The following HHIPL1 variants were observed in gnomAD, a reference collection of about 807,000 sequenced individuals.
HHIPL1 encodes the protein HHIP-like protein 1.
A neutral mutation model predicts 61.8 loss-of-function variants in HHIPL1; 43 were observed. That is an observed-to-expected ratio of 0.70 (90% CI 0.55 to 0.90). The LOEUF (loss-of-function observed/expected upper bound fraction) is 0.90. Among genes scored for constraint, HHIPL1 ranks in the 40% least tolerant of loss-of-function variants. The pLI is 0.00. For missense variants in HHIPL1, 1,056 were observed against 1,157.7 expected, an observed-to-expected ratio of 0.91 and a Z score of 1.28; for synonymous variants, 482 against 515.8, an observed-to-expected ratio of 0.93 and a Z score of 0.89.
chr14:99,659,772 C>A lies in HHIPL1; in HGVS notation c.1375+16C>A. ...ACCTCTCTCAGTGAGTGCCCGCGCCCCGGGGACCCCGGCCCCGAATCCGCC... is the reference window on the plus strand; with the variant it reads ...ACCTCTCTCAGTGAGTGCCCGCGCCACGGGGACCCCGGCCCCGAATCCGCC... On this transcript the variant is annotated intron_variant, in intron 4 of 8. Transcript: ENST00000330710. The A allele has an allele frequency of 7.3e-7, 1 of 1,371,992 alleles. No homozygotes were observed. The allele number at this position is 1,371,992 out of a possible 1,614,324, so 85.0% of individuals were successfully genotyped here.
At chr14:99,623,023 A>G in the HHIPL1 span, among the ~76,000 whole-genome samples, 2 of 152,232 alleles carry the variant, frequency 1.3e-5, no homozygotes, top group Admixed American at 6.5e-5. Context: ...AAGGGCAGCA[A>G]TTCTGACTGG....
At chr14:99,634,185 A>G in the HHIPL1 span, among the ~76,000 whole-genome samples, 1 of 152,160 alleles carries the variant, frequency 6.6e-6, no homozygotes, top group East Asian at 1.9e-4. Context: ...GCTTCTGAGC[A>G]GCGAGAGAGG....
At chr14:99,633,326 G>A in the HHIPL1 span, among the ~76,000 whole-genome samples, 15 of 152,332 alleles carry the variant, frequency 9.8e-5, no homozygotes, top group African/African-American at 2.9e-4. Context: ...CTGCAGCCTC[G>A]GGGAAGCCAG....
At chr14:99,621,459 G>A in the HHIPL1 span, among the ~76,000 whole-genome samples, 7 of 152,256 alleles carry the variant, frequency 4.6e-5, no homozygotes, top group African/African-American at 1.4e-4. Flanking sequence ...GGGTGGGACT[G>A]GGGGATTTTA....
chr14:99,625,085 C>T, the HHIPL1 span: 1 of 152,400 alleles, frequency 6.6e-6, no homozygotes, highest in South Asian at 2.1e-4. Flanking sequence ...AACCTTTCAT[C>T]ATGGGTTCCC....
Position 99,660,414 on chromosome 14 carries a change from A to AC in HHIPL1, c.1502+10dup, listed in dbSNP as rs776602380. 19 of 1,609,020 alleles carry AC rather than the reference A, an allele frequency of 1.2e-5. No individual in the cohort carries two copies. The African/African-American group carries it at 2.3e-4, about 19-fold the overall frequency. ...TGGGGATTTCATGAGCGGGTAAGTG[A>AC]CCTAGTGCCCTCGCGCCCCTGGCTG... On this transcript the variant is annotated intron_variant, in intron 5 of 8. Transcript: ENST00000330710. This position sits in a 1 kb window ranked among gnomAD's most constrained non-coding sequence, Gnocchi z 4.9.
In HHIPL1 at chr14:99,657,057, C is replaced by G. The variant is rs147749989; in HGVS notation, c.960C>G (p.Phe320Leu). The G allele has an allele frequency of 4.3e-6, 7 of 1,613,488 alleles. No homozygotes were observed. In the African/African-American group the frequency reaches 9.4e-5, roughly 22 times the overall value. The change falls in exon 3 of 9, where the codon TTC (phenylalanine) becomes TTG (leucine). Residue 320 changes from phenylalanine to leucine, a missense_variant. Coordinates refer to ENST00000330710, the MANE Select transcript of HHIPL1 (RefSeq NM_001127258.3). ...ACCACAACGGGGGCCAGCTGCTTTT[C>G]GGGGATGACGGGTACCTCTACATCT... ...ASNHNGGQLL[F>L]GDDGYLYIFT...
At chr14:99,630,045 A>G in the HHIPL1 span, among the ~76,000 whole-genome samples, 2 of 152,132 alleles carry the variant, frequency 1.3e-5, no homozygotes, top group Non-Finnish European at 2.9e-5. Flanking sequence ...TCTCTCTATG[A>G]GTGGAGATGC....
At chr14:99,630,818 T>C in the HHIPL1 span, among the ~76,000 whole-genome samples, 139 of 152,270 alleles carry the variant, frequency 9.1e-4, 1 homozygote, top group Middle Eastern at 6.8e-3. Context: ...GGCTACAAAG[T>C]CGATATTCTG....
At chr14:99,664,558 C>T (rs547011144) in intron 6 of HHIPL1, among the ~76,000 whole-genome samples, 5 of 152,318 alleles carry the variant, frequency 3.3e-5, no homozygotes, top group Admixed American at 3.3e-4. Flanking sequence ...TGGCAGTGGC[C>T]TCTGGACAGC....
At chr14:99,637,267 A>AGAAG in the HHIPL1 span, among the ~76,000 whole-genome samples, 6 of 150,526 alleles carry the variant, frequency 4.0e-5, no homozygotes, top group African/African-American at 1.2e-4. Flanking sequence ...AAAGAAAGAA[A>AGAAG]AAGTGTGGCA....
chr14:99,637,230 AAGAAAGAAAGAAAG>A, the HHIPL1 span, among the ~76,000 whole-genome samples: 3 of 146,234 alleles, frequency 2.1e-5, no homozygotes, highest in Non-Finnish European at 4.5e-5. Context: ...GAAAGAAAGA[AAGAAAGAAAGAAAG>A]AAAGAAAGAA....
At chr14:99,607,021 CTTTTTTT>C in the HHIPL1 span, among the ~76,000 whole-genome samples, 9 of 68,424 alleles carry the variant, frequency 1.3e-4, no homozygotes, top group African/African-American at 5.2e-4. Flanking sequence ...GTGACTTTGC[CTTTTTTT>C]TTTTTTTTTT....
Position 99,652,400 on chromosome 14 carries a change from G to A in HHIPL1, c.432G>A (p.Arg144=). 6.2e-7 allele frequency: 1 copy of A among 1,614,214 alleles called. No individual in the cohort carries two copies. The highest frequency in any genetic ancestry group is 8.5e-7 in the Non-Finnish European group (1 of 1,180,048). ...GGGCGCTGGAGGGCAACCTTGCCAG[G>A]TTCTGCCGCTACCTGTCCCTGGATG... The part of the protein sequence containing the change: ...ELWALEGNLA[R]FCRYLSLDDT... The change falls in exon 2 of 9, where the codon AGG becomes AGA. Residue 144 remains arginine (R), a synonymous_variant. Coordinates refer to ENST00000330710, the MANE Select transcript of HHIPL1 (RefSeq NM_001127258.3).
At chr14:99,610,739 C>T in the HHIPL1 span, among the ~76,000 whole-genome samples, 63 of 145,498 alleles carry the variant, frequency 4.3e-4, no homozygotes, top group East Asian at 0.011. Context: ...CTAGCCTAGA[C>T]AACAGAGCAA....
the HHIPL1 span, among the ~76,000 whole-genome samples, chr14:99,611,528 C>T: frequency 1.3e-5 from 2 of 151,798 alleles, no homozygotes; most frequent in Non-Finnish European, 2.9e-5. Flanking sequence ...TCAGGTGATC[C>T]ACCCACCTTG....
the HHIPL1 span, chr14:99,625,316 A>C: frequency 6.6e-6 from 1 of 152,296 alleles, no homozygotes. Flanking sequence ...CTAAGGTCCC[A>C]CAGCCAAGGG....
chr14:99,643,785 G>A (rs1170235493), upstream of HHIPL1, among the ~76,000 whole-genome samples: 2 of 152,246 alleles, frequency 1.3e-5, no homozygotes, highest in South Asian at 2.1e-4. Flanking sequence ...GAGAAGCCGG[G>A]GTATTTCTCC....
In HHIPL1 at chr14:99,663,019, C is replaced by A; in HGVS notation, c.1646C>A (p.Ala549Asp). Reference sequence around the variant, plus strand: ...ATCATCTCCTTCGGGGAGGACGAGGCCGGTGAGCACTCCTGAGACCTCTCC... The same window carrying A: ...ATCATCTCCTTCGGGGAGGACGAGGACGGTGAGCACTCCTGAGACCTCTCC... ...PYIISFGEDEAGELYFMSTGE... is the reference protein window; with the variant it reads ...PYIISFGEDEDGELYFMSTGE... Residue 549 changes from alanine (A) to aspartate (D), a missense_variant and splice_region_variant, in exon 6 of 9, where the codon GCC (alanine) becomes GAC (aspartate). Coordinates refer to ENST00000330710, the MANE Select transcript of HHIPL1 (RefSeq NM_001127258.3). The A allele has an allele frequency of 6.2e-7, 1 of 1,601,996 alleles. No individual in the cohort carries two copies. The highest frequency in any genetic ancestry group is 1.1e-5 in the South Asian group (1 of 87,918).
Sources: gnomAD v4.1 joint callset for allele counts (sites outside exome capture counted in the v4.1 genomes callset) on GRCh38, gnomAD v4.1.1 for gene constraint, Gnocchi (gnomAD v3.1) non-coding constraint, MANE v1.5 for transcripts, NCBI Gene and HGNC (gene_info 2026-07-23, HGNC 2026-07-21) for gene names.